IMMP2L: variants seen among roughly 807,000 people sequenced by gnomAD.
The protein encoded by IMMP2L is inner mitochondrial membrane peptidase subunit 2, also known as mitochondrial inner membrane protease subunit 2.
IMMP2L carries 18 observed loss-of-function variants against 19.3 expected under a neutral mutation model. The observed-to-expected ratio is 0.93, with a 90% CI of 0.64 to 1.38. The LOEUF is 1.38. IMMP2L is among the 40% of genes most tolerant of loss of function. The pLI is 0.00. For missense variants in IMMP2L, 233 were observed against 218.2 expected, an observed-to-expected ratio of 1.07 and a Z score of -0.43; for synonymous variants, 76 against 73.0, an observed-to-expected ratio of 1.04 and a Z score of -0.21.
Position 110,811,446 on chromosome 7 carries a change from G to A in IMMP2L, c.408+75147C>T, listed in dbSNP as rs540344450. The stretch of plus-strand genomic sequence containing the variant: ...ATATTCATAAACAAATATAAGGGAT[G>A]GCAATTTATTATAAATATCATTCTG... On this transcript the variant is annotated intron_variant, in intron 5 of 5. Coordinates refer to ENST00000405709, the MANE Select transcript of IMMP2L (RefSeq NM_032549.4). Among the ~76,000 whole-genome samples, 119 of 152,110 alleles carry A rather than the reference G, an allele frequency of 7.8e-4. 1 individual carries two copies. In the South Asian group the frequency reaches 0.023, roughly 29 times the overall value.
intron 5 of IMMP2L, among the ~76,000 whole-genome samples, chr7:110,761,008 T>C (rs577646220): frequency 9.2e-5 from 14 of 152,216 alleles, no homozygotes; most frequent in South Asian, 4.1e-4. Context: ...TGCTACCAAA[T>C]ACAGGGCTTG....
At chr7:111,495,666 T>C (rs11977087) in intron 2 of IMMP2L, among the ~76,000 whole-genome samples, 3,487 of 152,272 alleles carry the variant, frequency 0.023, 141 homozygotes, top group African/African-American at 0.08. Context: ...ACACTTCCTG[T>C]TTTGTAAGAC....
intron 5 of IMMP2L, among the ~76,000 whole-genome samples, chr7:110,816,302 C>G (rs1043761105): frequency 6.6e-6 from 1 of 152,032 alleles, no homozygotes; most frequent in Non-Finnish European, 1.5e-5. Context: ...ATCCTGAGTT[C>G]TAGTTTGATT....
chr7:111,289,749 T>G (rs193065820), intron 3 of IMMP2L, among the ~76,000 whole-genome samples: 88 of 152,102 alleles, frequency 5.8e-4, no homozygotes, highest in Admixed American at 1.2e-3. Flanking sequence ...CAGGCTGGAG[T>G]GCAGTGGCGC....
At chr7:110,902,892 A>T (rs1175189948) in intron 4 of IMMP2L, among the ~76,000 whole-genome samples, 1 of 35,324 alleles carries the variant, frequency 2.8e-5, no homozygotes, top group African/African-American at 1.8e-4. Flanking sequence ...AGATTGCGCC[A>T]CTGCACTCCA....
At chr7:111,469,612 A>G (rs576668265) in intron 3 of IMMP2L, among the ~76,000 whole-genome samples, 2 of 152,258 alleles carry the variant, frequency 1.3e-5, no homozygotes, top group East Asian at 3.9e-4. Flanking sequence ...TGACAAAAAC[A>G]AGCAACGGGG....
At chr7:110,889,134 T>C (rs1201794326) in intron 4 of IMMP2L, among the ~76,000 whole-genome samples, 1 of 152,138 alleles carries the variant, frequency 6.6e-6, no homozygotes, top group African/African-American at 2.4e-5. Context: ...AACTCAGCAG[T>C]CCCCAGCCTT....
intron 3 of IMMP2L, among the ~76,000 whole-genome samples, chr7:111,464,011 C>T (rs1055896370): frequency 1.3e-5 from 2 of 152,144 alleles, no homozygotes; most frequent in Admixed American, 6.5e-5. Flanking sequence ...TTGCTCCTTT[C>T]CTCCTTCACA....
intron 3 of IMMP2L, among the ~76,000 whole-genome samples, chr7:111,302,226 C>G (rs1480689714): frequency 6.6e-6 from 1 of 152,098 alleles, no homozygotes; most frequent in Non-Finnish European, 1.5e-5. Context: ...CCTTGACTAT[C>G]CAAGCTATAC....
intron 3 of IMMP2L, among the ~76,000 whole-genome samples, chr7:111,139,176 GGAA>G (rs1457505398): frequency 6.6e-6 from 1 of 151,894 alleles, no homozygotes; most frequent in Non-Finnish European, 1.5e-5. Context: ...TGTACAATGA[GGAA>G]GAAATTTTGG....
chr7:110,950,314 G>T (rs1209728504), intron 4 of IMMP2L, among the ~76,000 whole-genome samples: 3 of 151,998 alleles, frequency 2.0e-5, no homozygotes, highest in Admixed American at 2.0e-4. Flanking sequence ...TGTTTCATTG[G>T]TCTATAGGTA....
chr7:111,198,476 C>T (rs1027111762), intron 3 of IMMP2L, among the ~76,000 whole-genome samples: 3 of 152,078 alleles, frequency 2.0e-5, no homozygotes, highest in Admixed American at 6.6e-5. Context: ...AAAGTTCCTA[C>T]AACATGGGTG....
At chr7:111,396,209 G>T (rs560533303) in intron 3 of IMMP2L, among the ~76,000 whole-genome samples, 2 of 152,112 alleles carry the variant, frequency 1.3e-5, no homozygotes, top group Non-Finnish European at 2.9e-5. Flanking sequence ...ACATGGACAC[G>T]TATGTTTACT....
chr7:111,447,731 C>A (rs957563784), intron 3 of IMMP2L, among the ~76,000 whole-genome samples: 5 of 151,344 alleles, frequency 3.3e-5, no homozygotes, highest in Non-Finnish European at 7.4e-5. Flanking sequence ...TGTAAATGGA[C>A]TAAATTCTCC....
chr7:110,876,226 T>C (rs766822606), intron 5 of IMMP2L, among the ~76,000 whole-genome samples: 3 of 152,184 alleles, frequency 2.0e-5, no homozygotes, highest in Non-Finnish European at 4.4e-5. Context: ...CCCTTCTATG[T>C]TTCCTTCTTT....
At chr7:111,492,496 G>A in intron 2 of IMMP2L, 6 of 412,844 alleles carry the variant, frequency 1.5e-5, no homozygotes, top group Non-Finnish European at 2.0e-5. Flanking sequence ...CTTATCTGAT[G>A]GGGACTCCTC....
At chr7:110,762,916 T>C (rs1798437083) in intron 5 of IMMP2L, among the ~76,000 whole-genome samples, 1 of 152,182 alleles carries the variant, frequency 6.6e-6, no homozygotes, top group African/African-American at 2.4e-5. Flanking sequence ...TTCCTATTAT[T>C]ATTAATCAGG....
At chr7:111,450,667 A>C (rs1839047345) in intron 3 of IMMP2L, among the ~76,000 whole-genome samples, 1 of 150,414 alleles carries the variant, frequency 6.6e-6, no homozygotes, top group Non-Finnish European at 1.5e-5. Context: ...TTCATGTCCA[A>C]AACACCAAAA....
intron 5 of IMMP2L, among the ~76,000 whole-genome samples, chr7:110,701,931 TTTTTTA>T (rs1239614706): frequency 6.6e-6 from 1 of 152,038 alleles, no homozygotes; most frequent in Admixed American, 6.6e-5. Context: ...TGGTTTCCTT[TTTTTTA>T]TTTTTATTTT....
Sources: allele counts gnomAD v4.1 joint callset (sites outside exome capture counted in the v4.1 genomes callset), GRCh38; gene constraint gnomAD v4.1.1; transcripts MANE v1.5; gene names NCBI Gene and HGNC (gene_info 2026-07-23, HGNC 2026-07-21).